The following MAGI2 variants were observed in gnomAD, a reference collection of about 807,000 sequenced individuals.
The protein encoded by MAGI2 is membrane-associated guanylate kinase, WW and PDZ domain-containing protein 2.
In MAGI2, 35 loss-of-function variants were observed where a neutral mutation model predicts 133.3. The ratio of observed to expected loss-of-function variants is 0.26; its 90% CI spans 0.20 to 0.35. MAGI2 has a LOEUF of 0.35. MAGI2 is among the 10% of genes least tolerant of loss of function. The pLI is 1.00. For synonymous variants in MAGI2, 729 were observed against 710.6 expected (o/e 1.03, Z -0.41); for missense variants, 1,636 against 1,863.4 (o/e 0.88, Z 2.25).
intron 1 of MAGI2, among the ~76,000 whole-genome samples, chr7:79,450,673 C>T (rs1317744199): frequency 6.6e-6 from 1 of 152,102 alleles, no homozygotes; most frequent in African/African-American, 2.4e-5. Context: ...CAATAATCTT[C>T]CACATAAAAT....
chr7:78,641,094 A>G (rs939732469), intron 2 of MAGI2, among the ~76,000 whole-genome samples: 2 of 152,132 alleles, frequency 1.3e-5, no homozygotes, highest in African/African-American at 4.8e-5. Flanking sequence ...GTGAAGAAGG[A>G]CATGTTTGCT....
intron 1 of MAGI2, among the ~76,000 whole-genome samples, chr7:79,191,832 C>T (rs751078346): frequency 6.6e-6 from 1 of 151,384 alleles, no homozygotes; most frequent in Admixed American, 6.6e-5. Context: ...ATCTTATTTC[C>T]TTATTAAATT....
At chr7:78,821,948 G>A (rs1331330409) in intron 2 of MAGI2, among the ~76,000 whole-genome samples, 3 of 152,070 alleles carry the variant, frequency 2.0e-5, no homozygotes, top group East Asian at 1.9e-4. Flanking sequence ...TCAGATGGAG[G>A]ATGAAAGAGA....
At chr7:79,291,624 A>T (rs1317901103) in intron 1 of MAGI2, among the ~76,000 whole-genome samples, 2 of 152,168 alleles carry the variant, frequency 1.3e-5, no homozygotes, top group Non-Finnish European at 2.9e-5. Flanking sequence ...GCATGAAGTG[A>T]TATCACATTG....
At chr7:79,237,718 A>C (rs1832051338) in intron 1 of MAGI2, among the ~76,000 whole-genome samples, 1 of 152,172 alleles carries the variant, frequency 6.6e-6, no homozygotes, top group Non-Finnish European at 1.5e-5. Flanking sequence ...CATAGCCCTA[A>C]ATACATTTTA....
chr7:79,150,915 T>A (rs983280280), intron 1 of MAGI2, among the ~76,000 whole-genome samples: 1 of 152,272 alleles, frequency 6.6e-6, no homozygotes, highest in East Asian at 1.9e-4. Flanking sequence ...AAATAAGTTA[T>A]CTAGTTAAAG....
At chr7:78,561,136 G>A (rs1251681812) in intron 3 of MAGI2, among the ~76,000 whole-genome samples, 4 of 152,154 alleles carry the variant, frequency 2.6e-5, no homozygotes, top group Non-Finnish European at 5.9e-5. Flanking sequence ...AGGATTAATA[G>A]AAGGAAAAGA....
At chr7:79,235,021 C>T (rs1321822323) in intron 1 of MAGI2, among the ~76,000 whole-genome samples, 1 of 151,572 alleles carries the variant, frequency 6.6e-6, no homozygotes, top group African/African-American at 2.4e-5. Flanking sequence ...CAGACAGTAT[C>T]CTCAGCTGCA....
At chr7:79,014,697 T>C (rs1273553471) in intron 1 of MAGI2, among the ~76,000 whole-genome samples, 2 of 152,140 alleles carry the variant, frequency 1.3e-5, no homozygotes, top group Non-Finnish European at 2.9e-5. Flanking sequence ...AGGATAGTTA[T>C]GAAGGAGTTT....
chr7:78,559,208 T>C (rs1584631877), intron 3 of MAGI2, among the ~76,000 whole-genome samples: 1 of 118,858 alleles, frequency 8.4e-6, no homozygotes, highest in African/African-American at 3.2e-5. Flanking sequence ...AAAACAATAG[T>C]GGGGCTCAAG....
intron 2 of MAGI2, among the ~76,000 whole-genome samples, chr7:78,945,980 G>A (rs1441188751): frequency 1.3e-5 from 2 of 152,114 alleles, no homozygotes; most frequent in Non-Finnish European, 2.9e-5. Flanking sequence ...TTCTGAGCAG[G>A]AGTTTATTGT....
At chr7:78,218,096 G>A (rs965566580) in intron 10 of MAGI2, among the ~76,000 whole-genome samples, 1 of 152,232 alleles carries the variant, frequency 6.6e-6, no homozygotes, top group Non-Finnish European at 1.5e-5. Flanking sequence ...TAGGCCAAGA[G>A]CCTTCTACAA....
chr7:78,427,734 T>C (rs1799427398), intron 6 of MAGI2, among the ~76,000 whole-genome samples: 1 of 152,034 alleles, frequency 6.6e-6, no homozygotes, highest in South Asian at 2.1e-4. Flanking sequence ...TATTCTATTC[T>C]ATTAAAATTT....
At chr7:78,183,008 T>A in intron 13 of MAGI2, among the ~76,000 whole-genome samples, 1 of 152,184 alleles carries the variant, frequency 6.6e-6, no homozygotes, top group East Asian at 1.9e-4. Context: ...CACTCTCTAG[T>A]CTCCTAGTCC....
At chr7:78,194,647 A>G (rs1468645558) in intron 12 of MAGI2, among the ~76,000 whole-genome samples, 1 of 152,074 alleles carries the variant, frequency 6.6e-6, no homozygotes, top group Non-Finnish European at 1.5e-5. Context: ...TCTTCAGGAG[A>G]TTAGGGGAAG....
chr7:79,365,674 A>T (rs1251701596), intron 1 of MAGI2, among the ~76,000 whole-genome samples: 1 of 151,938 alleles, frequency 6.6e-6, no homozygotes, highest in East Asian at 1.9e-4. Flanking sequence ...TCTGGCCAAT[A>T]TGATGAAACC....
At chr7:78,701,304 A>G (rs1818046279) in intron 2 of MAGI2, among the ~76,000 whole-genome samples, 1 of 151,982 alleles carries the variant, frequency 6.6e-6, no homozygotes, top group African/African-American at 2.4e-5. Context: ...CAGGAGGTGA[A>G]TTATTACACT....
chr7:78,584,411 C>T, intron 3 of MAGI2, among the ~76,000 whole-genome samples: 1 of 108,734 alleles, frequency 9.2e-6, no homozygotes, highest in African/African-American at 3.5e-5. Context: ...CAGAGTGAGA[C>T]TCCGTCTCAG....
intron 1 of MAGI2, among the ~76,000 whole-genome samples, chr7:79,390,208 T>C: frequency 6.6e-6 from 1 of 152,120 alleles, no homozygotes; most frequent in Admixed American, 6.5e-5. Flanking sequence ...CCTAAAAATG[T>C]CTGAATGACT....
Sources: allele counts gnomAD v4.1 joint callset (sites outside exome capture counted in the v4.1 genomes callset), GRCh38; gene constraint gnomAD v4.1.1; transcripts MANE v1.5; gene names NCBI Gene and HGNC (gene_info 2026-07-23, HGNC 2026-07-21).